Variants in LMX1B observed in about 807,000 individuals in gnomAD.
LMX1B encodes the protein LIM homeobox transcription factor 1 beta.
A neutral mutation model predicts 51.4 loss-of-function variants in LMX1B; 12 were observed. The observed-to-expected ratio is 0.23, with a 90% CI of 0.15 to 0.38. The LOEUF is 0.38. Ranked by LOEUF, LMX1B falls within the 10% of genes least tolerant of loss-of-function variation. LMX1B has a pLI of 1.00. For missense variants in LMX1B, 445 were observed against 571.1 expected, an observed-to-expected ratio of 0.78 and a Z score of 2.25; for synonymous variants, 237 against 235.4, an observed-to-expected ratio of 1.01 and a Z score of -0.06.
At chr9:126,649,156 C>G (rs1835957427) in intron 2 of LMX1B, among the ~76,000 whole-genome samples, 1 of 152,092 alleles carries the variant, frequency 6.6e-6, no homozygotes. Context: ...GTCCCCTTCT[C>G]TCCGTCCCCT....
rs1266486981 is a variant in LMX1B at position 126,695,789 on chromosome 9, C to G, written c.887-50C>G. On this transcript the variant is annotated intron_variant, in intron 6 of 7. Transcript: ENST00000373474. The surrounding 1 kb of genome is among the most constrained non-coding windows in gnomAD (Gnocchi z 5.2). Reference sequence around the variant, plus strand: ...AGAAGGGGAGGCTGCTGGGGTGTAGCTGGGAGGGCGTGGACCAGGCCAGGG... The same window carrying G: ...AGAAGGGGAGGCTGCTGGGGTGTAGGTGGGAGGGCGTGGACCAGGCCAGGG... 9 of 1,602,596 alleles carry G rather than the reference C, an allele frequency of 5.6e-6. No individual in the cohort carries two copies. The highest frequency in any genetic ancestry group is 7.7e-6 in the Non-Finnish European group (9 of 1,173,384).
At chr9:126,633,316 A>G (rs570605317) in intron 2 of LMX1B, among the ~76,000 whole-genome samples, 8 of 152,214 alleles carry the variant, frequency 5.3e-5, no homozygotes, top group East Asian at 1.9e-4. Flanking sequence ...AGGTATGACA[A>G]CCTCTGCCCA....
chr9:126,667,613 G>T (rs1836367937), intron 2 of LMX1B, among the ~76,000 whole-genome samples: 2 of 152,346 alleles, frequency 1.3e-5, no homozygotes, highest in South Asian at 4.1e-4. Flanking sequence ...TATAGATCTG[G>T]AGGTGGTGGT....
At chr9:126,649,549 G>T (rs939109396) in intron 2 of LMX1B, among the ~76,000 whole-genome samples, 2 of 152,232 alleles carry the variant, frequency 1.3e-5, no homozygotes, top group African/African-American at 2.4e-5. Context: ...TGGGGCCCAA[G>T]AATTTGCATA....
At chr9:126,651,654 T>G (rs1836011737) in intron 2 of LMX1B, among the ~76,000 whole-genome samples, 1 of 152,054 alleles carries the variant, frequency 6.6e-6, no homozygotes, top group African/African-American at 2.4e-5. Context: ...CCCGCTCCTC[T>G]CCTGAGGCCG....
intron 2 of LMX1B, among the ~76,000 whole-genome samples, chr9:126,622,246 T>C (rs1049023805): frequency 1.3e-5 from 2 of 151,992 alleles, no homozygotes; most frequent in Non-Finnish European, 2.9e-5. Flanking sequence ...TGGGGGGAAG[T>C]GTTGCTGAAG....
Position 126,693,187 on chromosome 9 carries a change from A to C in LMX1B, c.605A>C (p.Gln202Pro), listed in dbSNP as rs1011551042. The C allele has an allele frequency of 1.2e-6, 2 of 1,603,494 alleles. No individual in the cohort carries two copies. Among genetic ancestry groups the C allele is most frequent in the Admixed American group, 3.4e-5 (2 of 58,664 alleles). ...GGGGACATGAAGCCGGCCAAGGGGC[A>C]GGGCAGTCAGAGCAAGGGCAGCGGG... is the stretch of plus-strand genomic sequence containing the variant. ...EDGDMKPAKG[Q>P]GSQSKGSGDD... The change falls in exon 4 of 8, where the codon CAG becomes CCG. Residue 202 changes from glutamine to proline, a missense_variant. By Grantham distance (76) the Gln-to-Pro change is moderately conservative (BLOSUM62 -1). Around this residue, in one of 3 missense-constraint regions of LMX1B, gnomAD observed 273 missense variants for 343.3 expected, o/e 0.80. Transcript: ENST00000373474.
intron 2 of LMX1B, among the ~76,000 whole-genome samples, chr9:126,627,532 T>C (rs1018347699): frequency 6.6e-5 from 10 of 151,810 alleles, no homozygotes; most frequent in Non-Finnish European, 1.0e-4. Flanking sequence ...TTGGTCAGGG[T>C]GGGAGGGGCT....
intron 2 of LMX1B, among the ~76,000 whole-genome samples, chr9:126,655,326 C>G (rs1026091080): frequency 6.6e-6 from 1 of 152,172 alleles, no homozygotes; most frequent in African/African-American, 2.4e-5. Context: ...TGCCCTAGAC[C>G]ACCCCTCCAG....
chr9:126,655,270 C>T (rs947431291), intron 2 of LMX1B, among the ~76,000 whole-genome samples: 2 of 152,216 alleles, frequency 1.3e-5, no homozygotes, highest in African/African-American at 4.8e-5. Context: ...TGCCGCCTCA[C>T]CCGATGTGGT....
intron 2 of LMX1B, among the ~76,000 whole-genome samples, chr9:126,627,286 CTT>C (rs1372225431): frequency 6.6e-6 from 1 of 152,124 alleles, no homozygotes; most frequent in Non-Finnish European, 1.5e-5. Flanking sequence ...CCCTTCTTCC[CTT>C]TTTTACTCAG....
At chr9:126,630,209 G>C (rs1458734236) in intron 2 of LMX1B, among the ~76,000 whole-genome samples, 3 of 151,466 alleles carry the variant, frequency 2.0e-5, no homozygotes, top group Non-Finnish European at 4.4e-5. Flanking sequence ...GTTTCCAGGT[G>C]ACAGAATTGG....
Position 126,691,037 on chromosome 9 carries a change from C to T in LMX1B, c.528C>T (p.Leu176=), listed in dbSNP as rs2030110309. The T allele has an allele frequency of 1.2e-6, 2 of 1,613,232 alleles. No individual in the cohort carries two copies. Among genetic ancestry groups the T allele is most frequent in the Non-Finnish European group, 8.5e-7 (1 of 1,179,652 alleles). ...ACTACGAGAAGGAGAAGGACCTGCTCAGCTCCGTGAGCCCCGACGAGTCCG... is the reference window on the plus strand; with the variant it reads ...ACTACGAGAAGGAGAAGGACCTGCTTAGCTCCGTGAGCCCCGACGAGTCCG... ...KGDYEKEKDL[L]SSVSPDESDS... Residue 176 remains leucine (L), a synonymous_variant, in exon 3 of 8, where the codon CTC becomes CTT. Transcript: ENST00000373474.
chr9:126,644,825 G>A lies in LMX1B; in HGVS notation c.326+29256G>A, dbSNP rs1015484653. ...GTTCCTGGCTGCAGCTTCCTTAGGC[G>A]GGAGCTGGTGGAGACAGGCGTGTTT... On this transcript the variant is annotated intron_variant, in intron 2 of 7. Transcript: ENST00000373474. Among the ~76,000 whole-genome samples the A allele has an allele frequency of 6.6e-5, 10 of 152,246 alleles. No individual in the cohort carries two copies. In the East Asian group the frequency reaches 1.9e-3, roughly 29 times the overall value.
chr9:126,674,961 G>T (rs72762524), intron 2 of LMX1B, among the ~76,000 whole-genome samples: 12,165 of 152,168 alleles, frequency 0.08, 579 homozygotes, highest in South Asian at 0.18. Flanking sequence ...CCTTTAAATG[G>T]CCCACAAGAC....
At chr9:126,624,463 T>G (rs1299333370) in intron 2 of LMX1B, among the ~76,000 whole-genome samples, 1 of 152,162 alleles carries the variant, frequency 6.6e-6, no homozygotes, top group Non-Finnish European at 1.5e-5. Flanking sequence ...GGTTTGTTTA[T>G]TGAGAGAACA....
intron 2 of LMX1B, among the ~76,000 whole-genome samples, chr9:126,647,009 G>A (rs757636934): frequency 3.3e-5 from 5 of 152,162 alleles, no homozygotes; most frequent in Non-Finnish European, 5.9e-5. Context: ...TTATGTAAGA[G>A]GAAACAAATG....
intron 2 of LMX1B, among the ~76,000 whole-genome samples, chr9:126,672,700 C>T (rs1564162570): frequency 1.3e-5 from 2 of 152,194 alleles, no homozygotes; most frequent in African/African-American, 4.8e-5. Flanking sequence ...CAGCATGTGC[C>T]GTAAAGATGT....
rs1369146467 is a variant in LMX1B at position 126,671,401 on chromosome 9, T to G, written c.327-19435T>G. Among the ~76,000 whole-genome samples, 1 of 151,438 alleles carries G rather than the reference T, an allele frequency of 6.6e-6. No individual in the cohort carries two copies. The highest frequency in any genetic ancestry group is 1.5e-5 in the Non-Finnish European group (1 of 67,852). ...CCCAGCAGCTGGGCCCGGGCTCAGC[T>G]GGGGCCCCTGGCCTGGCCAGCCAGG... is the stretch of plus-strand genomic sequence containing the variant. On this transcript the variant is annotated intron_variant, in intron 2 of 7. Coordinates refer to ENST00000373474, the MANE Select transcript of LMX1B (RefSeq NM_001174147.2). This position sits in a 1 kb window ranked among gnomAD's most constrained non-coding sequence, Gnocchi z 4.4.
Sources: allele counts gnomAD v4.1 joint callset (sites outside exome capture counted in the v4.1 genomes callset), GRCh38; gene constraint gnomAD v4.1.1; regional missense constraint gnomAD v4.1.1; non-coding constraint Gnocchi (gnomAD v3.1); transcripts MANE v1.5; gene names NCBI Gene and HGNC (gene_info 2026-07-23, HGNC 2026-07-21).